The following ABCC9 variants were observed in gnomAD, a reference collection of about 807,000 sequenced individuals.
ABCC9 encodes ATP binding cassette subfamily C member 9.
Under a neutral mutation model 188.3 loss-of-function variants are expected in ABCC9, and 95 were observed. The ratio of observed to expected loss-of-function variants is 0.50; its 90% confidence interval spans 0.43 to 0.60. ABCC9 has a LOEUF of 0.60. Among genes scored for constraint, ABCC9 ranks in the 20% least tolerant of loss-of-function variants. ABCC9 has a pLI of 0.00. For missense variants in ABCC9, 1,102 were observed against 1,876.3 expected, an observed-to-expected ratio of 0.59 and a Z score of 7.62; for synonymous variants, 659 against 652.7, an observed-to-expected ratio of 1.01 and a Z score of -0.15.
chr12:21,895,398 C>A (rs1289931557), intron 12 of ABCC9, 83 bp from the exon 13 acceptor site: 8 of 1,255,716 alleles, frequency 6.4e-6, no homozygotes, highest in Non-Finnish European at 5.8e-6. Flanking sequence ...ATTGCTTTAA[C>A]TTTCTTTGAA....
At position 21,931,714 on chromosome 12, in the gene ABCC9, C is replaced by T. The variant is rs141741821; in HGVS notation, c.284+2068G>A. 2.1e-3 allele frequency among the ~76,000 whole-genome samples: 322 copies of T among 152,114 alleles called. 2 individuals are homozygous for T. Among genetic ancestry groups the T allele is most frequent in the East Asian group, 3.1e-3 (16 of 5,166 alleles). ...TGATCTATCTTCTACTTTATACATA[C>T]GCATATAAACAGATACAGTAGCCTA... On this transcript the variant is annotated intron_variant, in intron 4 of 39. Transcript: ENST00000261200.
At chr12:21,928,523 A>G (rs1949142142) in intron 4 of ABCC9, among the ~76,000 whole-genome samples, 1 of 152,140 alleles carries the variant, frequency 6.6e-6, no homozygotes, top group Middle Eastern at 3.2e-3. Flanking sequence ...GAAATTTTAA[A>G]GTGAGCACAC....
At chr12:21,864,719 A>G (rs1945697400) in intron 18 of ABCC9, among the ~76,000 whole-genome samples, 1 of 152,148 alleles carries the variant, frequency 6.6e-6, no homozygotes, top group African/African-American at 2.4e-5. Flanking sequence ...TCTCTTTCAT[A>G]AAAATTTTGG....
At chr12:21,854,653 A>G (rs571353281) in intron 22 of ABCC9, among the ~76,000 whole-genome samples, 2 of 152,336 alleles carry the variant, frequency 1.3e-5, no homozygotes, top group East Asian at 3.9e-4. Context: ...CTGCCCAGTG[A>G]GTTGCTTTTC....
chr12:21,828,685 T>C (rs1259355794), intron 31 of ABCC9: 1 of 433,824 alleles, frequency 2.3e-6, no homozygotes, highest in East Asian at 4.7e-5. Context: ...TTTGAAGTTA[T>C]ACAAATATTT....
intron 2 of ABCC9, among the ~76,000 whole-genome samples, chr12:21,939,962 G>A (rs955377135): frequency 6.6e-6 from 1 of 152,134 alleles, no homozygotes; most frequent in African/African-American, 2.4e-5. Context: ...GGATTTAGTT[G>A]GTGAATATAA....
In ABCC9 at chr12:21,887,848, G is replaced by A. The variant is rs1430865936; in HGVS notation, c.1889C>T (p.Ser630Phe). 1 of 1,612,678 alleles carries A rather than the reference G, an allele frequency of 6.2e-7. No individual in the cohort carries two copies. Among genetic ancestry groups the A allele is most frequent in the Non-Finnish European group, 8.5e-7 (1 of 1,178,880 alleles). ...TACAACTCCAGTGTGCTTCTTACAGGACTCAAAAGGAAGCGAACTTTCACC... is the reference window on the plus strand; with the variant it reads ...TACAACTCCAGTGTGCTTCTTACAGAACTCAAAAGGAAGCGAACTTTCACC... Reference protein sequence around the residue: ...RTGESSLPFESCKKHTGVQPK... With the variant: ...RTGESSLPFEFCKKHTGVQPK... Residue 630 changes from serine (S) to phenylalanine (F), a missense_variant, in exon 15 of 40, where the codon TCC becomes TTC. Physicochemically the swap from Ser to Phe is radical, Grantham distance 155 (BLOSUM62 -2). This residue lies in a region of ABCC9 where 258 missense variants were observed against 325.6 expected (regional missense o/e 0.79). Coordinates refer to ENST00000261200, the MANE Select transcript of ABCC9 (RefSeq NM_020297.4).
At chr12:21,819,704 G>A (rs1211949037) in intron 31 of ABCC9, among the ~76,000 whole-genome samples, 1 of 150,940 alleles carries the variant, frequency 6.6e-6, no homozygotes, top group Admixed American at 6.6e-5. Flanking sequence ...TTTTCCCTTT[G>A]GATAATTTTC....
chr12:21,921,656 G>A (rs1324181722), intron 5 of ABCC9, among the ~76,000 whole-genome samples: 1 of 152,062 alleles, frequency 6.6e-6, no homozygotes, highest in Non-Finnish European at 1.5e-5. Flanking sequence ...CCAGTCCAAT[G>A]TCCTAGAGAG....
Position 21,852,095 on chromosome 12 carries a change from A to T in ABCC9, c.2769+2T>A, listed in dbSNP as rs2137440671. On this transcript the variant is annotated splice_donor_variant, in intron 24 of 39. Transcript: ENST00000261200. LOFTEE classifies it high-confidence loss of function. ...GAACTCTTCTGAACTATGAGCACTT[A>T]CCTTTTCTAATTCTTGATCTTGCCG... 1 of 1,613,540 alleles carries T rather than the reference A, an allele frequency of 6.2e-7. No individual in the cohort carries two copies. Among genetic ancestry groups the T allele is most frequent in the East Asian group, 2.2e-5 (1 of 44,806 alleles).
chr12:21,876,945 G>GT (rs1232101402), intron 16 of ABCC9, among the ~76,000 whole-genome samples: 3 of 152,144 alleles, frequency 2.0e-5, no homozygotes, highest in Non-Finnish European at 4.4e-5. Flanking sequence ...GTCCATGCAG[G>GT]TTTTCTGTAG....
chr12:21,936,584 G>T lies in ABCC9; in HGVS notation c.91C>A (p.Leu31Met). The T allele has an allele frequency of 6.2e-7, 1 of 1,613,230 alleles. No homozygotes were observed. Among genetic ancestry groups the T allele is most frequent in the Non-Finnish European group, 8.5e-7 (1 of 1,179,396 alleles). The change falls in exon 3 of 40, where the codon CTG (leucine) becomes ATG (methionine). Residue 31 changes from leucine (L) to methionine (M), a missense_variant. Around this residue, in one of 12 missense-constraint regions of ABCC9, gnomAD observed 305 missense variants for 573.0 expected, o/e 0.53. Transcript: ENST00000261200. ...QNSCFVDALN[L>M]VPHVFLLFIT... is the part of the protein sequence containing the mutation. ...AACAACAGAAAGACATGAGGGACCA[G>T]GTTGAGGGCATCCACAAAGCAGGAA...
At chr12:21,842,528 T>G (rs2137372225) in intron 28 of ABCC9, 57 bp from the exon 29 acceptor site, 2 of 1,560,580 alleles carry the variant, frequency 1.3e-6, no homozygotes, top group East Asian at 4.5e-5. Flanking sequence ...TTGGCTGCAA[T>G]GTAACAAAAA....
intron 33 of ABCC9, 148 bp from the exon 34 acceptor site, chr12:21,816,041 T>TG (rs1402338188): frequency 1.1e-4 from 2 of 18,382 alleles, no homozygotes; most frequent in African/African-American, 2.0e-4. Context: ...TGGCAGTTTT[T>TG]TTTTTTTTTT....
Position 21,915,231 on chromosome 12 carries a change from G to A in ABCC9, c.816+437C>T, listed in dbSNP as rs1297969107. ...TTTGTGTCTTTATATATATATGTGT[G>A]TGTGTGTGTGTGTGTGTGTGTGTGT... On this transcript the variant is annotated intron_variant, in intron 7 of 39. Coordinates refer to ENST00000261200, the MANE Select transcript of ABCC9 (RefSeq NM_020297.4). 5.6e-4 allele frequency among the ~76,000 whole-genome samples: 50 copies of A among 89,298 alleles called. 1 individual carries two copies. The highest frequency in any genetic ancestry group is 1.0e-3 in the African/African-American group (25 of 24,476). 58.6% of individuals were successfully genotyped at this position (89,298 alleles called of 152,430 possible).
At chr12:21,815,723 G>T (rs1199167793) in intron 34 of ABCC9, 40 bp downstream of exon 34, 5 of 1,607,680 alleles carry the variant, frequency 3.1e-6, no homozygotes, top group Non-Finnish European at 3.4e-6. Flanking sequence ...TCCCTCAGAG[G>T]TTTTATGTAT....
chr12:21,848,999 C>G lies in ABCC9; in HGVS notation c.2770-753G>C, dbSNP rs1944826180. ...TCCAACACACCAGCTCCCCTGACCT[C>G]AGGACTGCAGTAGTAGTATCAGTTC... On this transcript the variant is annotated intron_variant, in intron 24 of 39. Coordinates refer to ENST00000261200, the MANE Select transcript of ABCC9 (RefSeq NM_020297.4). 1.3e-5 allele frequency among the ~76,000 whole-genome samples: 2 copies of G among 152,142 alleles called. 1 individual carries two copies. The highest frequency in any genetic ancestry group is 4.1e-4 in the South Asian group (2 of 4,828).
At chr12:21,853,382 G>A (rs190450678) in intron 22 of ABCC9, among the ~76,000 whole-genome samples, 1 of 152,030 alleles carries the variant, frequency 6.6e-6, no homozygotes, top group African/African-American at 2.4e-5. Context: ...TTACTTAATG[G>A]GGATATTTTC....
At chr12:21,809,014 G>T (rs933186871) in intron 37 of ABCC9, among the ~76,000 whole-genome samples, 3 of 151,978 alleles carry the variant, frequency 2.0e-5, no homozygotes, top group African/African-American at 7.2e-5. Flanking sequence ...ATTTTATTTT[G>T]TAGGTTGACT....
Sources: allele counts gnomAD v4.1 joint callset (sites outside exome capture counted in the v4.1 genomes callset), GRCh38; gene constraint gnomAD v4.1.1; regional missense constraint gnomAD v4.1.1; transcripts MANE v1.5; gene names NCBI Gene and HGNC (gene_info 2026-07-23, HGNC 2026-07-21).